CAT: variants seen among roughly 807,000 people sequenced by gnomAD.
The protein encoded by CAT is epididymis secretory sperm binding protein.
In CAT, 43 loss-of-function variants were observed where a neutral mutation model predicts 59.0. The observed-to-expected ratio is 0.73, with a 90% CI of 0.57 to 0.94. The LOEUF (loss-of-function observed/expected upper bound fraction) is 0.94. Ranked by LOEUF, CAT falls within the 40% of genes least tolerant of loss-of-function variation. CAT has a pLI of 0.00. For missense variants in CAT, 664 were observed against 682.9 expected (o/e 0.97, Z 0.31); for synonymous variants, 218 against 230.9 (o/e 0.94, Z 0.51).
chr11:34,439,312 G>A (rs777084804), intron 1 of CAT, among the ~76,000 whole-genome samples: 15 of 152,332 alleles, frequency 9.8e-5, no homozygotes, highest in African/African-American at 3.6e-4. Context: ...ACAGGCTCGG[G>A]TGGTTGCTTC....
intron 8 of CAT, among the ~76,000 whole-genome samples, chr11:34,460,446 C>CTTTTTTTTTTTTTTTTTTTT (rs149180752): frequency 1.2e-5 from 1 of 84,532 alleles, no homozygotes; most frequent in African/African-American, 5.6e-5. Flanking sequence ...GTGGGCGGTA[C>CTTTTTTTTTTTTTTTTTTTT]TTTTTTTTTT....
Position 34,461,406 on chromosome 11 carries a change from T to C in CAT, c.1195+17T>C. ...ACAATCAGGGTAGGCCTAAAGACGT[T>C]GGGCTCCCCCTGCGTGGGCAGAGGG... On this transcript the variant is annotated intron_variant, in intron 9 of 12. Coordinates refer to ENST00000241052, the MANE Select transcript of CAT (RefSeq NM_001752.4). 1 of 1,614,130 alleles carries C rather than the reference T, an allele frequency of 6.2e-7. No homozygotes were observed. Among genetic ancestry groups the C allele is most frequent in the Non-Finnish European group, 8.5e-7 (1 of 1,179,998 alleles).
chr11:34,447,424 G>A (rs1290313241), intron 1 of CAT, among the ~76,000 whole-genome samples: 1 of 151,876 alleles, frequency 6.6e-6, no homozygotes, highest in Non-Finnish European at 1.5e-5. Context: ...TTTTTTTCTG[G>A]TTCATTTTCT....
At position 34,468,371 on chromosome 11, in the gene CAT, A is replaced by T. The variant is rs1590310573; in HGVS notation, c.1410A>T (p.Ala470=). The T allele has an allele frequency of 6.2e-7, 1 of 1,613,988 alleles. No homozygotes were observed. The highest frequency in any genetic ancestry group is 8.5e-7 in the Non-Finnish European group (1 of 1,179,812). ...ACATTGCCGGCCACCTGAAGGATGCACAAATTTTCATCCAGAAGAAAGCGG... is the reference window on the plus strand; with the variant it reads ...ACATTGCCGGCCACCTGAAGGATGCTCAAATTTTCATCCAGAAGAAAGCGG... ...CENIAGHLKD[A]QIFIQKKAVK... Residue 470 remains alanine (A), a synonymous_variant, in exon 11 of 13, where the codon GCA becomes GCT. Coordinates refer to ENST00000241052, the MANE Select transcript of CAT (RefSeq NM_001752.4).
intron 1 of CAT, among the ~76,000 whole-genome samples, chr11:34,445,673 G>A (rs1856444951): frequency 2.0e-5 from 3 of 151,986 alleles, no homozygotes; most frequent in African/African-American, 7.3e-5. Context: ...CTAGCAGCCA[G>A]GAAGATGTAA....
chr11:34,469,268 G>T (rs1856750705), intron 11 of CAT, among the ~76,000 whole-genome samples: 1 of 152,204 alleles, frequency 6.6e-6, no homozygotes, highest in South Asian at 2.1e-4. Flanking sequence ...TCCAGTATCA[G>T]CAGAGAGCTT....
Position 34,471,003 on chromosome 11 carries a change from C to T in CAT, c.1480C>T (p.Gln494Ter). 1.9e-6 allele frequency: 3 copies of T among 1,614,196 alleles called. No homozygotes were observed. The highest frequency in any genetic ancestry group is 2.5e-6 in the Non-Finnish European group (3 of 1,180,020). ...EVHPDYGSHI[Q>*]ALLDKYNAEK... is the part of the protein sequence containing the mutation. ...CCACCCTGACTACGGGAGCCACATC[C>T]AGGCTCTTCTGGACAAGTACAATGC... Residue 494 changes from glutamine to a stop codon, truncating the protein, a stop_gained, in exon 12 of 13, where the codon CAG becomes TAG. Transcript: ENST00000241052. LOFTEE classifies it high-confidence loss of function.
rs2266619 is a variant in CAT at position 34,471,602 on chromosome 11, C to T, written c.*169C>T. ...GTGTAACAATTTTAATGCTATTTCC[C>T]CAGGGGAAAATGAAGGTTAGGATTT... is the stretch of plus-strand genomic sequence containing the variant. On this transcript the variant is annotated 3_prime_UTR_variant, in exon 13 of 13. Transcript: ENST00000241052. The T allele has an allele frequency of 3.0e-6, 2 of 661,906 alleles. No homozygotes were observed. The highest frequency in any genetic ancestry group is 2.7e-6 in the Non-Finnish European group (1 of 364,696). 41.0% of individuals were successfully genotyped at this position (661,906 alleles called of 1,614,324 possible).
chr11:34,458,498 T>C (rs928887025), intron 8 of CAT, among the ~76,000 whole-genome samples: 1 of 152,192 alleles, frequency 6.6e-6, no homozygotes, highest in Non-Finnish European at 1.5e-5. Context: ...GAAGTTTGCA[T>C]TGAAACCAGG....
chr11:34,440,918 A>G (rs1856383372), intron 1 of CAT, among the ~76,000 whole-genome samples: 1 of 152,176 alleles, frequency 6.6e-6, no homozygotes, highest in African/African-American at 2.4e-5. Flanking sequence ...GAGAATCATG[A>G]ACTGTTGAAG....
At chr11:34,468,883 A>AAATCAGTC (rs892219633) in intron 11 of CAT, among the ~76,000 whole-genome samples, 3 of 152,194 alleles carry the variant, frequency 2.0e-5, no homozygotes, top group East Asian at 1.9e-4. Context: ...CCTGTCTCTA[A>AAATCAGTC]AATCAGTCAA....
chr11:34,450,077 C>T (rs1205897672), intron 2 of CAT, among the ~76,000 whole-genome samples: 1 of 152,190 alleles, frequency 6.6e-6, no homozygotes, highest in East Asian at 1.9e-4. Context: ...ATGGGGAGAA[C>T]ATGCAGACTC....
chr11:34,470,614 A>G, intron 11 of CAT: 2 of 350,536 alleles, frequency 5.7e-6, no homozygotes, highest in Admixed American at 7.6e-5. Flanking sequence ...AAAAGACAGT[A>G]CATTCGAAGG....
At chr11:34,447,532 G>GT (rs1216852468) in intron 1 of CAT, among the ~76,000 whole-genome samples, 3 of 152,192 alleles carry the variant, frequency 2.0e-5, no homozygotes, top group African/African-American at 7.2e-5. Context: ...AAAGAGTGAT[G>GT]TGACTGGGTG....
chr11:34,446,740 TC>T (rs896037618), intron 1 of CAT, among the ~76,000 whole-genome samples: 4 of 138,160 alleles, frequency 2.9e-5, no homozygotes, highest in Non-Finnish European at 6.2e-5. Flanking sequence ...TTATGGGATG[TC>T]CCCCCCTTTT....
intron 10 of CAT, among the ~76,000 whole-genome samples, chr11:34,467,504 T>C (rs1298160833): frequency 6.6e-6 from 1 of 152,210 alleles, no homozygotes; most frequent in Non-Finnish European, 1.5e-5. Context: ...ATGAAGTTGA[T>C]ACTTTGGATA....
intron 8 of CAT, 131 bp from the exon 9 acceptor site, chr11:34,461,120 G>A (rs1423328860): frequency 1.5e-5 from 15 of 1,007,056 alleles, no homozygotes; most frequent in Non-Finnish European, 2.2e-5. Flanking sequence ...TTAAGTAGCG[G>A]GAAAGGCAGA....
intron 11 of CAT, among the ~76,000 whole-genome samples, chr11:34,469,084 G>T (rs1856748836): frequency 6.6e-6 from 1 of 152,206 alleles, no homozygotes; most frequent in Non-Finnish European, 1.5e-5. Context: ...ATTTCTGATG[G>T]CCGCTCATCG....
intron 1 of CAT, 45 bp downstream of exon 1, chr11:34,439,124 A>T (rs1227838602): frequency 2.0e-6 from 3 of 1,537,518 alleles, no homozygotes; most frequent in Non-Finnish European, 1.8e-6. Flanking sequence ...CCGTTTAGAA[A>T]GCGGGGGCGT....
Sources: allele counts gnomAD v4.1 joint callset (sites outside exome capture counted in the v4.1 genomes callset), GRCh38; gene constraint gnomAD v4.1.1; transcripts MANE v1.5; gene names NCBI Gene and HGNC (gene_info 2026-07-23, HGNC 2026-07-21).